The following SALL4 variants were observed in gnomAD, a reference collection of about 807,000 sequenced individuals.
The protein encoded by SALL4 is sal-like protein 4.
In SALL4, 4 loss-of-function variants were observed where a neutral mutation model predicts 60.8. That is an observed-to-expected ratio of 0.07 (90% CI 0.03 to 0.15). SALL4 has a LOEUF of 0.15. Among genes scored for constraint, SALL4 ranks in the 10% least tolerant of loss-of-function variants. The pLI, the probability that SALL4 is intolerant of heterozygous loss-of-function variation, is 1.00. For synonymous variants in SALL4, 580 were observed against 574.9 expected (o/e 1.01, Z -0.13); for missense variants, 1,178 against 1,394.7 (o/e 0.84, Z 2.48).
At chr20:51,799,267 C>G (rs1417923323) in intron 1 of SALL4, among the ~76,000 whole-genome samples, 1 of 152,082 alleles carries the variant, frequency 6.6e-6, no homozygotes, top group African/African-American at 2.4e-5. Context: ...AGAGGAGGAA[C>G]CCAAAAACTC....
chr20:51,802,227 G>A, intron 1 of SALL4, 52 bp downstream of exon 1: 1 of 1,537,256 alleles, frequency 6.5e-7, no homozygotes, highest in East Asian at 2.3e-5. Flanking sequence ...CGAGGATCCC[G>A]CGTACGTCCG....
At chr20:51,792,785 T>C (rs2078057055) in intron 1 of SALL4, 2 of 1,066,674 alleles carry the variant, frequency 1.9e-6, no homozygotes, top group African/African-American at 1.7e-5. Flanking sequence ...GCCTACACAT[T>C]GCAACTCCGA....
intron 1 of SALL4, chr20:51,793,056 G>T: frequency 1.1e-6 from 1 of 913,184 alleles, no homozygotes; most frequent in Non-Finnish European, 1.3e-6. Flanking sequence ...AATGTTCACA[G>T]CAGCAAAGAA....
rs183668361 is a variant in SALL4, at chr20:51,786,607, T to C, written c.2743-1923A>G. On this transcript the variant is annotated intron_variant, in intron 3 of 3. Transcript: ENST00000217086. ...AGAGTGCACAACATGCACACCTGAG[T>C]ACAAGTAAAATGGGAAAATCTGAAT... Among the ~76,000 whole-genome samples the C allele has an allele frequency of 2.0e-5, 3 of 152,284 alleles. No homozygotes were observed. The East Asian group carries it at 5.8e-4, about 29-fold the overall frequency.
At chr20:51,789,935 A>G in intron 2 of SALL4, 87 bp downstream of exon 2, 1 of 1,546,132 alleles carries the variant, frequency 6.5e-7, no homozygotes, top group African/African-American at 1.4e-5. Context: ...TTCAAGTCAT[A>G]CTCTCCGTTT....
chr20:51,786,684 C>T (rs1286557107), intron 3 of SALL4, among the ~76,000 whole-genome samples: 2 of 152,208 alleles, frequency 1.3e-5, no homozygotes, highest in African/African-American at 2.4e-5. Flanking sequence ...TTGATACTAC[C>T]GTTTTGCAAA....
chr20:51,782,574 A>AGG lies in SALL4; in HGVS notation c.*1689_*1690dup, dbSNP rs1555848604. 2 of 83,682 alleles carry AGG rather than the reference A, an allele frequency of 2.4e-5. No homozygotes were observed. Among genetic ancestry groups the AGG allele is most frequent in the African/African-American group, 7.2e-5 (1 of 13,894 alleles). The allele number at this position is 83,682 out of a possible 1,614,324, so 5.2% of individuals were successfully genotyped here. On this transcript the variant is annotated 3_prime_UTR_variant, in exon 4 of 4. Coordinates refer to ENST00000217086, the MANE Select transcript of SALL4 (RefSeq NM_020436.5). Reference sequence around the variant, plus strand: ...GCAAAAAAAAAAAAAAAAAAAAAAAAGGGGGGCGGAATCCTAAAGTCAGGT... The same window carrying AGG: ...GCAAAAAAAAAAAAAAAAAAAAAAAAGGGGGGGGCGGAATCCTAAAGTCAGGT...
intron 2 of SALL4, 58 bp from the exon 3 acceptor site, chr20:51,789,199 T>C: frequency 6.3e-7 from 1 of 1,592,594 alleles, no homozygotes; most frequent in Non-Finnish European, 8.6e-7. Context: ...ATTCTTTCTC[T>C]TCAAAGCAAA....
At chr20:51,795,144 C>T (rs2078071886) in intron 1 of SALL4, among the ~76,000 whole-genome samples, 1 of 152,192 alleles carries the variant, frequency 6.6e-6, no homozygotes, top group Non-Finnish European at 1.5e-5. Flanking sequence ...ATCTGCCTCA[C>T]TTCAGTGATC....
Position 51,790,365 on chromosome 20 carries a change from G to C in SALL4, c.2118C>G (p.Ser706=). ...TGCTGGGAAGAGGCGTGGGGACCTT[G>C]GAGGAGCTGCTGGGAGCCTCCTGGG... ...VSSQEAPSSS[S]KVPTPLPSIH... is the part of the protein sequence containing the mutation. Residue 706 remains serine (S), a synonymous_variant, in exon 2 of 4, where the codon TCC becomes TCG. Coordinates refer to ENST00000217086, the MANE Select transcript of SALL4 (RefSeq NM_020436.5). This position sits in a 1 kb window ranked among gnomAD's most constrained non-coding sequence, Gnocchi z 5.5. 6.2e-7 allele frequency: 1 copy of C among 1,614,158 alleles called. No homozygotes were observed. The highest frequency in any genetic ancestry group is 8.5e-7 in the Non-Finnish European group (1 of 1,180,034).
At position 51,797,193 on chromosome 20, in the gene SALL4, T is replaced by C. The variant is rs868491016; in HGVS notation, c.131-4841A>G. Among the ~76,000 whole-genome samples, 6 of 151,718 alleles carry C rather than the reference T, an allele frequency of 4.0e-5. No individual in the cohort carries two copies. In the South Asian group the frequency reaches 1.0e-3, roughly 26 times the overall value. ...ACAAGTTGTTATGACTTGGAAATTC[T>C]TGTTATCTGACAGGCTACTAGATCT... is the stretch of plus-strand genomic sequence containing the variant. On this transcript the variant is annotated intron_variant, in intron 1 of 3. Coordinates refer to ENST00000217086, the MANE Select transcript of SALL4 (RefSeq NM_020436.5).
Position 51,790,381 on chromosome 20 carries a change from G to A in SALL4, c.2102C>T (p.Ala701Val), listed in dbSNP as rs1429748991. The A allele has an allele frequency of 6.2e-6, 10 of 1,614,124 alleles. No homozygotes were observed. ...GGGGACCTTGGAGGAGCTGCTGGGA[G>A]CCTCCTGGGAGCTGACTTCCTCTAC... The part of the protein sequence containing the change: ...IDVEEVSSQE[A>V]PSSSSKVPTP... Residue 701 changes from alanine (A) to valine (V), a missense_variant, in exon 2 of 4, where the codon GCT becomes GTT. This residue lies in a region of SALL4 where 853 missense variants were observed against 1,036.8 expected (regional missense o/e 0.82). Transcript: ENST00000217086. The surrounding 1 kb of genome is among the most constrained non-coding windows in gnomAD (Gnocchi z 5.5).
In SALL4 at chr20:51,802,341, G is replaced by A. The variant is rs777587725; in HGVS notation, c.68C>T (p.Pro23Leu). The change falls in exon 1 of 4, where the codon CCG becomes CTG. Residue 23 changes from proline to leucine, a missense_variant. Pro to Leu is a moderately conservative substitution (Grantham distance 98, BLOSUM62 -3). This residue lies in a region of SALL4 where 108 missense variants were observed against 95.7 expected (regional missense o/e 1.13). Coordinates refer to ENST00000217086, the MANE Select transcript of SALL4 (RefSeq NM_020436.5). ...TGCAAACTCCGGGGTCTGCTGCTGC[G>A]GCTGCTGCTCGCCCTGGTCCTCCTC... The part of the protein sequence containing the change: ...NSEEDQGEQQ[P>L]QQQTPEFADA... The A allele has an allele frequency of 1.2e-6, 2 of 1,610,488 alleles. No individual in the cohort carries two copies. The highest frequency in any genetic ancestry group is 1.7e-5 in the Admixed American group (1 of 59,990).
Position 51,802,512 on chromosome 20 carries a change from C to G in SALL4, c.-104G>C. On this transcript the variant is annotated 5_prime_UTR_variant, in exon 1 of 4. Coordinates refer to ENST00000217086, the MANE Select transcript of SALL4 (RefSeq NM_020436.5). The stretch of plus-strand genomic sequence containing the variant: ...CCCCCTTCGGCCGGAACGCGCATGT[C>G]CCAGTAATTATTATTATCAATAATG... 6.5e-7 allele frequency: 1 copy of G among 1,535,112 alleles called. No homozygotes were observed. Among genetic ancestry groups the G allele is most frequent in the Non-Finnish European group, 8.9e-7 (1 of 1,127,778 alleles).
At position 51,786,534 on chromosome 20, in the gene SALL4, G is replaced by C. The variant is rs139933402; in HGVS notation, c.2743-1850C>G. ...GGCATGAGCCACTGCACCCAGCCTA[G>C]AGTTAACATTTTTAAAATGCACAAA... On this transcript the variant is annotated intron_variant, in intron 3 of 3. Transcript: ENST00000217086. Among the ~76,000 whole-genome samples, 399 of 152,324 alleles carry C rather than the reference G, an allele frequency of 2.6e-3. 1 individual carries two copies. The highest frequency in any genetic ancestry group is 9.1e-3 in the African/African-American group (379 of 41,570).
intron 1 of SALL4, among the ~76,000 whole-genome samples, chr20:51,798,824 G>C (rs6021443): frequency 0.1 from 15,425 of 151,452 alleles, 1,399 homozygotes; most frequent in African/African-American, 0.24. Context: ...ACTGACCTAA[G>C]GTTATTTTTA....
intron 1 of SALL4, among the ~76,000 whole-genome samples, chr20:51,793,415 G>A (rs2078061701): frequency 6.6e-6 from 1 of 152,036 alleles, no homozygotes; most frequent in Non-Finnish European, 1.5e-5. Context: ...TTGAGCCTGG[G>A]AAGTCAAGCC....
Position 51,788,997 on chromosome 20 carries a change from T to G in SALL4, c.2606A>C (p.Gln869Pro), listed in dbSNP as rs374776890. 37 of 1,614,148 alleles carry G rather than the reference T, an allele frequency of 2.3e-5. No homozygotes were observed. The highest frequency in any genetic ancestry group is 3.0e-5 in the Non-Finnish European group (35 of 1,180,064). Residue 869 changes from glutamine (Q) to proline (P), a missense_variant, in exon 3 of 4, where the codon CAA (glutamine) becomes CCA (proline). Gln to Pro is a moderately conservative substitution (Grantham distance 76). This residue lies in a region of SALL4 where 853 missense variants were observed against 1,036.8 expected (regional missense o/e 0.82). Coordinates refer to ENST00000217086, the MANE Select transcript of SALL4 (RefSeq NM_020436.5). The surrounding 1 kb of genome is among the most constrained non-coding windows in gnomAD (Gnocchi z 4.1). ...CTTCCCACACCGTGTGCAGCCATGT[T>G]GCTTGGCCTGTCGGCGTGGCTGGGC... Reference protein sequence around the residue: ...LAAQPRRQAKQHGCTRCGKNF... With the variant: ...LAAQPRRQAKPHGCTRCGKNF...
At chr20:51,795,548 G>C (rs1034235593) in intron 1 of SALL4, among the ~76,000 whole-genome samples, 2 of 152,202 alleles carry the variant, frequency 1.3e-5, no homozygotes, top group Non-Finnish European at 2.9e-5. Flanking sequence ...ACTAGTGGGA[G>C]TGCTAGGTGG....
Sources: gnomAD v4.1 joint callset for allele counts (sites outside exome capture counted in the v4.1 genomes callset) on GRCh38, gnomAD v4.1.1 for gene constraint, gnomAD v4.1.1 regional missense constraint, Gnocchi (gnomAD v3.1) non-coding constraint, MANE v1.5 for transcripts, NCBI Gene and HGNC (gene_info 2026-07-23, HGNC 2026-07-21) for gene names.